The following FTCDNL1 variants were observed in gnomAD, a reference collection of about 807,000 sequenced individuals.
FTCDNL1 encodes formiminotransferase N-terminal subdomain-containing protein.
FTCDNL1 carries 11 observed loss-of-function variants against 5.9 expected under a neutral mutation model. The ratio of observed to expected loss-of-function variants is 1.87; its 90% confidence interval spans 1.18 to 3.10. FTCDNL1 has a LOEUF of 3.10. Ranked by LOEUF, FTCDNL1 falls within the 30% of genes most tolerant of loss-of-function variation. FTCDNL1 has a pLI of 0.00. For missense variants in FTCDNL1, 115 were observed against 65.5 expected (o/e 1.76, Z -2.61); for synonymous variants, 58 against 24.8 (o/e 2.34, Z -3.99).
At chr2:199,683,371 T>C in the FTCDNL1 span, among the ~76,000 whole-genome samples, 9 of 152,178 alleles carry the variant, frequency 5.9e-5, no homozygotes, top group African/African-American at 1.2e-4. Flanking sequence ...TTACACATGC[T>C]ACAAAGTGAA....
chr2:199,765,432 A>G (rs1292775780), intron 3 of FTCDNL1, among the ~76,000 whole-genome samples: 1 of 151,116 alleles, frequency 6.6e-6, no homozygotes. Flanking sequence ...TTACAAAATA[A>G]TAGTAATAAT....
intron 4 of FTCDNL1, among the ~76,000 whole-genome samples, chr2:199,813,995 G>C (rs985326692): frequency 5.3e-5 from 8 of 150,920 alleles, no homozygotes; most frequent in Non-Finnish European, 8.8e-5. Flanking sequence ...AGGTTGCTGA[G>C]TATAAAAACA....
chr2:199,815,636 A>G (rs2346663), intron 4 of FTCDNL1, among the ~76,000 whole-genome samples: 8,371 of 152,236 alleles, frequency 0.055, 507 homozygotes, highest in Admixed American at 0.13. Context: ...GAAAAATTAG[A>G]TGAATAACAT....
At chr2:199,733,513 G>C in the FTCDNL1 span, among the ~76,000 whole-genome samples, 1 of 152,172 alleles carries the variant, frequency 6.6e-6, no homozygotes, top group African/African-American at 2.4e-5. Flanking sequence ...GAGCATCACT[G>C]GAAATCTAAA....
chr2:199,715,527 C>A, the FTCDNL1 span, among the ~76,000 whole-genome samples: 2 of 152,192 alleles, frequency 1.3e-5, no homozygotes, highest in African/African-American at 4.8e-5. Context: ...GATTGTGAGG[C>A]CTTCCCAGCC....
chr2:199,690,648 T>C, the FTCDNL1 span, among the ~76,000 whole-genome samples: 1 of 152,136 alleles, frequency 6.6e-6, no homozygotes, highest in Non-Finnish European at 1.5e-5. Context: ...CACTCAACTA[T>C]AGTTTTAGGT....
At chr2:199,753,224 G>T in the FTCDNL1 span, among the ~76,000 whole-genome samples, 3 of 152,288 alleles carry the variant, frequency 2.0e-5, no homozygotes, top group South Asian at 2.1e-4. Context: ...GTCATGAAAG[G>T]CACCTCCAAA....
At chr2:199,748,267 C>G in the FTCDNL1 span, among the ~76,000 whole-genome samples, 5 of 152,158 alleles carry the variant, frequency 3.3e-5, no homozygotes, top group African/African-American at 1.2e-4. Context: ...GAAAAAAATT[C>G]TGATGAAGTC....
At chr2:199,835,758 GC>G (rs1702690073) in intron 3 of FTCDNL1, among the ~76,000 whole-genome samples, 1 of 152,148 alleles carries the variant, frequency 6.6e-6, no homozygotes, top group Non-Finnish European at 1.5e-5. Flanking sequence ...TCAGTCAGTT[GC>G]TATAAACCCT....
At chr2:199,793,914 A>G (rs1700054365) in intron 3 of FTCDNL1, among the ~76,000 whole-genome samples, 1 of 152,222 alleles carries the variant, frequency 6.6e-6, no homozygotes, top group Admixed American at 6.5e-5. Flanking sequence ...CCGCAAGGTT[A>G]GTTCAAAGTG....
At chr2:199,764,193 A>G (rs1016038957) in intron 3 of FTCDNL1, among the ~76,000 whole-genome samples, 1 of 152,222 alleles carries the variant, frequency 6.6e-6, no homozygotes, top group African/African-American at 2.4e-5. Context: ...GCACTAGACA[A>G]TCTCCAAAGG....
intron 3 of FTCDNL1, among the ~76,000 whole-genome samples, chr2:199,792,033 A>G (rs1226283112): frequency 6.6e-6 from 1 of 152,130 alleles, no homozygotes; most frequent in Non-Finnish European, 1.5e-5. Flanking sequence ...CATATTTACC[A>G]CTATGAATTT....
At chr2:199,756,736 T>A (rs1698086449), downstream of FTCDNL1, among the ~76,000 whole-genome samples, 1 of 152,098 alleles carries the variant, frequency 6.6e-6, no homozygotes, top group African/African-American at 2.4e-5. Context: ...CTTCCAAATA[T>A]CCCCCTGGCT....
At chr2:199,828,168 A>C (rs1327985683) in intron 3 of FTCDNL1, among the ~76,000 whole-genome samples, 1 of 152,186 alleles carries the variant, frequency 6.6e-6, no homozygotes, top group South Asian at 2.1e-4. Flanking sequence ...TTTCAAAAAA[A>C]ATCTCATATT....
chr2:199,849,996 C>G (rs1033143807), intron 1 of FTCDNL1, among the ~76,000 whole-genome samples: 36 of 152,170 alleles, frequency 2.4e-4, no homozygotes, highest in African/African-American at 8.2e-4. Context: ...ACGCGTTAAA[C>G]TTTAGAGTTT....
intron 3 of FTCDNL1, among the ~76,000 whole-genome samples, chr2:199,827,358 CA>C (rs1702097602): frequency 6.6e-6 from 1 of 151,362 alleles, no homozygotes; most frequent in Admixed American, 6.6e-5. Flanking sequence ...TGGTGTAGAT[CA>C]AAACAGACTC....
At chr2:199,716,992 T>C in the FTCDNL1 span, among the ~76,000 whole-genome samples, 3 of 151,958 alleles carry the variant, frequency 2.0e-5, no homozygotes, top group African/African-American at 4.8e-5. Flanking sequence ...TTTCTCGGAG[T>C]GTTAGGTGTC....
chr2:199,837,464 C>T (rs899636332), intron 3 of FTCDNL1, among the ~76,000 whole-genome samples: 1 of 152,130 alleles, frequency 6.6e-6, no homozygotes, highest in Admixed American at 6.5e-5. Context: ...CAACCAAATC[C>T]AACACTGTTT....
At chr2:199,804,542 CTCAAG>C (rs1700625807), downstream of FTCDNL1, among the ~76,000 whole-genome samples, 1 of 152,146 alleles carries the variant, frequency 6.6e-6, no homozygotes, top group Non-Finnish European at 1.5e-5. Context: ...CCACCCTCAC[CTCAAG>C]TCAACACTCA....
Sources: allele counts gnomAD v4.1 joint callset (sites outside exome capture counted in the v4.1 genomes callset), GRCh38; gene constraint gnomAD v4.1.1; transcripts MANE v1.5; gene names NCBI Gene and HGNC (gene_info 2026-07-23, HGNC 2026-07-21).